The following LPAR1 variants were observed in gnomAD, a reference collection of about 807,000 sequenced individuals.
LPAR1 encodes lysophosphatidic acid receptor 1.
Under a neutral mutation model 23.8 loss-of-function variants are expected in LPAR1, and 5 were observed. The ratio of observed to expected loss-of-function variants is 0.21; its 90% CI spans 0.11 to 0.44. The LOEUF is 0.44. Ranked by LOEUF, LPAR1 falls within the 20% of genes least tolerant of loss-of-function variation. The pLI, the probability that LPAR1 is intolerant of heterozygous loss-of-function variation, is 0.99. For synonymous variants in LPAR1, 160 were observed against 164.7 expected, an observed-to-expected ratio of 0.97 and a Z score of 0.22; for missense variants, 311 against 482.8, an observed-to-expected ratio of 0.64 and a Z score of 3.33.
At chr9:111,017,107 T>C (rs903264985) in intron 2 of LPAR1, among the ~76,000 whole-genome samples, 1 of 152,188 alleles carries the variant, frequency 6.6e-6, no homozygotes, top group Non-Finnish European at 1.5e-5. Flanking sequence ...ACACAGCTCA[T>C]TGAGTCCCCT....
chr9:111,008,431 G>A (rs374066843), intron 2 of LPAR1, among the ~76,000 whole-genome samples: 2 of 152,040 alleles, frequency 1.3e-5, no homozygotes, highest in South Asian at 2.1e-4. Context: ...AAATCAACTC[G>A]GAAAAGAAAA....
At chr9:110,952,407 G>A (rs1451645398) in intron 4 of LPAR1, among the ~76,000 whole-genome samples, 3 of 151,968 alleles carry the variant, frequency 2.0e-5, no homozygotes, top group Non-Finnish European at 4.4e-5. Context: ...TCACCCTCTA[G>A]TCCTAAGCAG....
At chr9:110,922,817 T>C (rs2093720291) in intron 5 of LPAR1, among the ~76,000 whole-genome samples, 1 of 64,766 alleles carries the variant, frequency 1.5e-5, no homozygotes, top group Admixed American at 2.4e-4. Context: ...TTCAAGGTCT[T>C]ATTATTATAT....
intron 5 of LPAR1, among the ~76,000 whole-genome samples, chr9:110,894,282 C>G (rs1480808466): frequency 8.5e-5 from 13 of 152,132 alleles, no homozygotes; most frequent in Admixed American, 8.5e-4. Flanking sequence ...GACAGACAGA[C>G]CTGAGGTCAG....
intron 4 of LPAR1, among the ~76,000 whole-genome samples, chr9:110,951,215 T>C (rs1453026144): frequency 1.3e-5 from 2 of 152,010 alleles, no homozygotes; most frequent in Non-Finnish European, 2.9e-5. Context: ...TAAAATATAA[T>C]TTTAAGAAGA....
At chr9:110,891,144 A>T (rs1273970531) in intron 5 of LPAR1, among the ~76,000 whole-genome samples, 1 of 152,214 alleles carries the variant, frequency 6.6e-6, no homozygotes, top group Non-Finnish European at 1.5e-5. Context: ...TAATAGAAAA[A>T]CTAAAATACC....
At chr9:111,035,123 C>T (rs1046898747) in intron 2 of LPAR1, among the ~76,000 whole-genome samples, 1 of 152,174 alleles carries the variant, frequency 6.6e-6, no homozygotes, top group Non-Finnish European at 1.5e-5. Context: ...TCCTTTTCAC[C>T]ATCCTTGCAT....
chr9:110,997,516 T>C (rs1028009892), intron 2 of LPAR1, among the ~76,000 whole-genome samples: 2 of 152,230 alleles, frequency 1.3e-5, no homozygotes, highest in South Asian at 4.1e-4. Context: ...TTTCTTCTCC[T>C]ATCAACTCTC....
At chr9:110,903,036 G>C (rs1441661702) in intron 5 of LPAR1, among the ~76,000 whole-genome samples, 1 of 152,094 alleles carries the variant, frequency 6.6e-6, no homozygotes, top group African/African-American at 2.4e-5. Context: ...AACCTAAATG[G>C]GATGACTGCC....
chr9:110,901,650 C>T (rs967285996), intron 5 of LPAR1, among the ~76,000 whole-genome samples: 2 of 152,136 alleles, frequency 1.3e-5, no homozygotes, highest in African/African-American at 4.8e-5. Flanking sequence ...TTACCTCCCA[C>T]CAGGTACCTC....
rs1423448681 is a variant in LPAR1, at chr9:110,942,039, C to T, written c.175G>A (p.Val59Ile). 5.6e-6 allele frequency: 9 copies of T among 1,614,190 alleles called. No individual in the cohort carries two copies. The highest frequency in any genetic ancestry group is 7.6e-6 in the Non-Finnish European group (9 of 1,180,022). ...TTGGCCAACATGATGAAGATACAAA[C>T]AGTGATTCCAAGTCCCATCACCAGC... ...SKLVMGLGIT[V>I]CIFIMLANLL... The change falls in exon 5 of 6, where the codon GTT becomes ATT. Residue 59 changes from valine to isoleucine, a missense_variant. By Grantham distance (29) the Val-to-Ile change is conservative (BLOSUM62 3). Coordinates refer to ENST00000683809, the MANE Select transcript of LPAR1 (RefSeq NM_001351411.2).
rs10980672 is a variant in LPAR1, at chr9:110,977,850, A to G, written c.-181-4292T>C. ...AGGGAGGGAGGGAAGGAAGGAGGGA[A>G]GGAAGGAAGGAAGGAAGGAAGGAAG... On this transcript the variant is annotated intron_variant, in intron 2 of 5. Transcript: ENST00000683809. Among the ~76,000 whole-genome samples, 124 of 32,788 alleles carry G rather than the reference A, an allele frequency of 3.8e-3. 1 individual carries two copies. The highest frequency in any genetic ancestry group is 0.022 in the African/African-American group (106 of 4,840). 21.5% of individuals were successfully genotyped at this position (32,788 alleles called of 152,430 possible).
intron 4 of LPAR1, among the ~76,000 whole-genome samples, chr9:110,967,365 C>G (rs1011568555): frequency 6.6e-6 from 1 of 152,206 alleles, no homozygotes; most frequent in East Asian, 1.9e-4. Context: ...CGTGACAATG[C>G]AAGCTTTCTT....
At chr9:110,938,617 G>A (rs1415814326) in intron 5 of LPAR1, among the ~76,000 whole-genome samples, 1 of 151,876 alleles carries the variant, frequency 6.6e-6, no homozygotes, top group Non-Finnish European at 1.5e-5. Context: ...ATTTTGGGAG[G>A]CCAAGGCAGG....
intron 2 of LPAR1, among the ~76,000 whole-genome samples, chr9:110,977,656 C>T (rs1009548808): frequency 1.3e-5 from 2 of 152,016 alleles, no homozygotes; most frequent in African/African-American, 2.4e-5. Flanking sequence ...CTAATGCACG[C>T]GGGGCTTAAA....
At chr9:110,943,675 C>A (rs1302909608) in intron 4 of LPAR1, among the ~76,000 whole-genome samples, 2 of 152,154 alleles carry the variant, frequency 1.3e-5, no homozygotes, top group East Asian at 1.9e-4. Context: ...GCCTGGCCAA[C>A]ATGGTGAAAC....
rs1266406477 is a variant in LPAR1, at chr9:110,904,522, C to T, written c.794-28800G>A. The stretch of plus-strand genomic sequence containing the variant: ...CATAGTAAATAAATAGAGGTATAAT[C>T]CCAAAAGTCCTCAATATCTATTTGG... On this transcript the variant is annotated intron_variant, in intron 5 of 5. Transcript: ENST00000683809. Among the ~76,000 whole-genome samples, 5 of 152,210 alleles carry T rather than the reference C, an allele frequency of 3.3e-5. 1 individual carries two copies. In the South Asian group the frequency reaches 1.0e-3, roughly 32 times the overall value.
intron 5 of LPAR1, among the ~76,000 whole-genome samples, chr9:110,891,006 T>C (rs2083986798): frequency 6.6e-6 from 1 of 152,194 alleles, no homozygotes; most frequent in Non-Finnish European, 1.5e-5. Flanking sequence ...ATACTAGAAG[T>C]ATTCCACTAA....
At chr9:110,989,295 T>C (rs2096851594) in intron 2 of LPAR1, among the ~76,000 whole-genome samples, 1 of 152,218 alleles carries the variant, frequency 6.6e-6, no homozygotes, top group South Asian at 2.1e-4. Flanking sequence ...CAAGTGATCC[T>C]GTCTCTGCCT....
Sources: gnomAD v4.1 joint callset for allele counts (sites outside exome capture counted in the v4.1 genomes callset) on GRCh38, gnomAD v4.1.1 for gene constraint, MANE v1.5 for transcripts, NCBI Gene and HGNC (gene_info 2026-07-23, HGNC 2026-07-21) for gene names.